CELSR1: variants seen among roughly 807,000 people sequenced by gnomAD.
CELSR1 encodes the protein cadherin EGF LAG seven-pass G-type receptor 1, also known as adhesion G protein-coupled receptor C1.
In CELSR1, 110 loss-of-function variants were observed where a neutral mutation model predicts 249.1. The observed-to-expected ratio is 0.44, with a 90% CI of 0.38 to 0.52. CELSR1 has a LOEUF of 0.52. Among genes scored for constraint, CELSR1 ranks in the 20% least tolerant of loss-of-function variants. The pLI is 0.00. For missense variants in CELSR1, 4,109 were observed against 4,296.4 expected, an observed-to-expected ratio of 0.96 and a Z score of 1.22; for synonymous variants, 2,113 against 1,900.0, an observed-to-expected ratio of 1.11 and a Z score of -2.92.
rs936686675 is a variant in CELSR1 at position 46,393,267 on chromosome 22, G to A, written c.5964+875C>T. Among the ~76,000 whole-genome samples, 37 of 152,216 alleles carry A rather than the reference G, an allele frequency of 2.4e-4. No individual in the cohort carries two copies. The highest frequency in any genetic ancestry group is 8.7e-4 in the African/African-American group (36 of 41,464). ...AGGTGATGTATCCTGAGAGGGCTGGGGAGGGGTCCCTAGAGTCTGCACTGA... is the reference window on the plus strand; with the variant it reads ...AGGTGATGTATCCTGAGAGGGCTGGAGAGGGGTCCCTAGAGTCTGCACTGA... On this transcript the variant is annotated intron_variant, in intron 14 of 34. Transcript: ENST00000674500. The surrounding 1 kb of genome is among the most constrained non-coding windows in gnomAD (Gnocchi z 4.1).
chr22:46,415,903 C>G (rs1340508705), intron 5 of CELSR1, among the ~76,000 whole-genome samples: 1 of 152,188 alleles, frequency 6.6e-6, no homozygotes, highest in East Asian at 1.9e-4. Flanking sequence ...GGGCTCAGAT[C>G]ATCCATTTTT....
chr22:46,517,361 A>T lies in CELSR1; in HGVS notation c.3544+16266T>A, dbSNP rs2080638804. On this transcript the variant is annotated intron_variant, in intron 1 of 34. Transcript: ENST00000674500. The surrounding 1 kb of genome is among the most constrained non-coding windows in gnomAD (Gnocchi z 5.4). ...AAACCGGAGACTTGGACGGCCGTCC[A>T]ACACCAAAGCCACCGGTTTCCTGCC... is the stretch of plus-strand genomic sequence containing the variant. Among the ~76,000 whole-genome samples the T allele has an allele frequency of 6.6e-6, 1 of 152,236 alleles. No homozygotes were observed. The highest frequency in any genetic ancestry group is 1.5e-5 in the Non-Finnish European group (1 of 68,034).
chr22:46,535,024 G>T lies in CELSR1; in HGVS notation c.2147C>A (p.Ala716Asp). The T allele has an allele frequency of 6.2e-7, 1 of 1,612,494 alleles. No individual in the cohort carries two copies. Among genetic ancestry groups the T allele is most frequent in the South Asian group, 1.1e-5 (1 of 91,080 alleles). ...VLTLQARDRD[A>D]NSVITYQLTG... Reference sequence around the variant, plus strand: ...GAGCTGGTAGGTAATCACACTGTTGGCGTCACGGTCGCGGGCCTGCAGGGT... The same window carrying T: ...GAGCTGGTAGGTAATCACACTGTTGTCGTCACGGTCGCGGGCCTGCAGGGT... The change falls in exon 1 of 35, where the codon GCC becomes GAC. Residue 716 changes from alanine to aspartate, a missense_variant. By Grantham distance (126) the Ala-to-Asp change is moderately radical. This residue lies in a region of CELSR1 where 886 missense variants were observed against 896.5 expected (regional missense o/e 0.99). Coordinates refer to ENST00000674500, the MANE Select transcript of CELSR1 (RefSeq NM_001378328.1).
At position 46,366,403 on chromosome 22, in the gene CELSR1, C is replaced by A. The variant is rs749952660; in HGVS notation, c.8283G>T (p.Ser2761=). 3 of 1,549,242 alleles carry A rather than the reference C, an allele frequency of 1.9e-6. No homozygotes were observed. Among genetic ancestry groups the A allele is most frequent in the Admixed American group, 3.9e-5 (2 of 50,912 alleles). ...LRTDLGESTA[S]LDSIVRDEGI... The stretch of plus-strand genomic sequence containing the variant: ...GGCCTGACCTGACGATGCTGTCCAG[C>A]GAGGCGGTGGACTCGCCCAAGTCTG... Residue 2761 remains serine (S), a synonymous_variant, in exon 30 of 35, where the codon TCG becomes TCT. Coordinates refer to ENST00000674500, the MANE Select transcript of CELSR1 (RefSeq NM_001378328.1).
In CELSR1 at chr22:46,380,074, A is replaced by G. The variant is rs1296209907; in HGVS notation, c.7256+714T>C. Among the ~76,000 whole-genome samples the G allele has an allele frequency of 6.6e-6, 1 of 152,222 alleles. No homozygotes were observed. The highest frequency in any genetic ancestry group is 1.5e-5 in the Non-Finnish European group (1 of 68,042). ...CAGCTAAAAAGCAAAACCAAAGCACAAACACTACTGGCTCCCAGCAGACGG... is the reference window on the plus strand; with the variant it reads ...CAGCTAAAAAGCAAAACCAAAGCACGAACACTACTGGCTCCCAGCAGACGG... On this transcript the variant is annotated intron_variant, in intron 22 of 34. Coordinates refer to ENST00000674500, the MANE Select transcript of CELSR1 (RefSeq NM_001378328.1). This position sits in a 1 kb window ranked among gnomAD's most constrained non-coding sequence, Gnocchi z 5.1.
At chr22:46,420,941 C>T (rs1051481610) in intron 5 of CELSR1, among the ~76,000 whole-genome samples, 2 of 152,186 alleles carry the variant, frequency 1.3e-5, no homozygotes, top group South Asian at 2.1e-4. Flanking sequence ...ATGGTCACGG[C>T]AGGAAAACGC....
chr22:46,498,117 G>C (rs142534357), intron 1 of CELSR1, among the ~76,000 whole-genome samples: 47 of 151,390 alleles, frequency 3.1e-4, no homozygotes, highest in South Asian at 6.3e-4. Flanking sequence ...GTGTGGTGGC[G>C]CACACCTGTA....
At chr22:46,386,152 T>G (rs1310673547) in intron 19 of CELSR1, among the ~76,000 whole-genome samples, 3 of 152,156 alleles carry the variant, frequency 2.0e-5, no homozygotes, top group Non-Finnish European at 4.4e-5. Flanking sequence ...GTATTTTTAG[T>G]AGAGATGGGG....
chr22:46,382,776 C>A (rs1245335990), intron 20 of CELSR1, among the ~76,000 whole-genome samples: 1 of 152,168 alleles, frequency 6.6e-6, no homozygotes, highest in Admixed American at 6.5e-5. Flanking sequence ...GGACATTAGG[C>A]TCGGTGAAAT....
intron 23 of CELSR1, among the ~76,000 whole-genome samples, chr22:46,377,792 C>G (rs1418930746): frequency 6.6e-6 from 1 of 152,256 alleles, no homozygotes; most frequent in Non-Finnish European, 1.5e-5. Context: ...GAGGCCGCTG[C>G]CCTCCTCCAG....
chr22:46,384,764 C>T lies in CELSR1; in HGVS notation c.6740-78G>A, dbSNP rs1012192994. The T allele has an allele frequency of 9.8e-6, 14 of 1,428,470 alleles. No individual in the cohort carries two copies. In the African/African-American group the frequency reaches 1.7e-4, roughly 18 times the overall value. 88.5% of individuals were successfully genotyped at this position (1,428,470 alleles called of 1,614,324 possible). A position where few individuals can be genotyped will look rare whatever the true frequency, so the allele number is the denominator to read the frequency against. On this transcript the variant is annotated intron_variant, in intron 19 of 34. Transcript: ENST00000674500. ...CCTGCTGTTTTCAAAATGACCACAA[C>T]TGTCACACTGACGCTGGCTGGCCAT... is the stretch of plus-strand genomic sequence containing the variant.
chr22:46,527,865 G>A lies in CELSR1; in HGVS notation c.3544+5762C>T, dbSNP rs565940727. Among the ~76,000 whole-genome samples, 200 of 152,316 alleles carry A rather than the reference G, an allele frequency of 1.3e-3. 1 individual carries two copies. The highest frequency in any genetic ancestry group is 5.2e-3 in the Admixed American group (79 of 15,296). Reference sequence around the variant, plus strand: ...AATCCCAGCATTTTGGGAGGCTGAGGCGGGCGGATAGCCTGAGGTCAGGAG... The same window carrying A: ...AATCCCAGCATTTTGGGAGGCTGAGACGGGCGGATAGCCTGAGGTCAGGAG... On this transcript the variant is annotated intron_variant, in intron 1 of 34. Transcript: ENST00000674500. This position sits in a 1 kb window ranked among gnomAD's most constrained non-coding sequence, Gnocchi z 5.5.
rs2079848645 is a variant in CELSR1 at position 46,448,726 on chromosome 22, A to G, written c.4184-9315T>C. The stretch of plus-strand genomic sequence containing the variant: ...TGGAAGGGCCCGGGAACAGGAACAC[A>G]GGGCAATTTCAAAGTCAGGTCATAT... On this transcript the variant is annotated intron_variant, in intron 2 of 34. Transcript: ENST00000674500. This position sits in a 1 kb window ranked among gnomAD's most constrained non-coding sequence, Gnocchi z 5.7. 6.6e-6 allele frequency among the ~76,000 whole-genome samples: 1 copy of G among 152,214 alleles called. No homozygotes were observed. The highest frequency in any genetic ancestry group is 2.4e-5 in the African/African-American group (1 of 41,454).
intron 1 of CELSR1, among the ~76,000 whole-genome samples, chr22:46,519,362 A>G (rs1429090568): frequency 6.6e-6 from 1 of 152,256 alleles, no homozygotes; most frequent in Non-Finnish European, 1.5e-5. Context: ...AAATGCTGAT[A>G]CAAATACACT....
chr22:46,414,671 G>C (rs1244844168), intron 5 of CELSR1, among the ~76,000 whole-genome samples: 2 of 152,150 alleles, frequency 1.3e-5, no homozygotes, highest in Non-Finnish European at 2.9e-5. Flanking sequence ...AAGTGTCACG[G>C]AGGCAGGGAG....
chr22:46,463,017 T>G (rs143807867), intron 2 of CELSR1: 160 of 385,788 alleles, frequency 4.1e-4, no homozygotes, highest in African/African-American at 3.2e-3. Context: ...CGCTAACCAA[T>G]TAAGCCTGCA....
At position 46,395,110 on chromosome 22, in the gene CELSR1, C is replaced by T. The variant is rs1181348115; in HGVS notation, c.5844-848G>A. Reference sequence around the variant, plus strand: ...GCGAGCAAGTATTAAGGACTGTGTACAAATCAGGGTCATAAAGACAACCAG... The same window carrying T: ...GCGAGCAAGTATTAAGGACTGTGTATAAATCAGGGTCATAAAGACAACCAG... On this transcript the variant is annotated intron_variant, in intron 13 of 34. Transcript: ENST00000674500. The surrounding 1 kb of genome is among the most constrained non-coding windows in gnomAD (Gnocchi z 5.5). 1.3e-5 allele frequency among the ~76,000 whole-genome samples: 2 copies of T among 152,214 alleles called. No homozygotes were observed. The highest frequency in any genetic ancestry group is 4.8e-5 in the African/African-American group (2 of 41,450).
intron 5 of CELSR1, among the ~76,000 whole-genome samples, chr22:46,421,410 T>C (rs1456493149): frequency 6.6e-6 from 1 of 152,158 alleles, no homozygotes; most frequent in Non-Finnish European, 1.5e-5. Context: ...GCTCCAGCCC[T>C]GGGGCGACTT....
chr22:46,438,959 T>C (rs1054857819), intron 3 of CELSR1, among the ~76,000 whole-genome samples: 2 of 152,154 alleles, frequency 1.3e-5, no homozygotes, highest in Non-Finnish European at 2.9e-5. Context: ...GGTTTTGCCA[T>C]GTTGACTAGG....
Sources: gnomAD v4.1 joint callset for allele counts (sites outside exome capture counted in the v4.1 genomes callset) on GRCh38, gnomAD v4.1.1 for gene constraint, gnomAD v4.1.1 regional missense constraint, Gnocchi (gnomAD v3.1) non-coding constraint, MANE v1.5 for transcripts, NCBI Gene and HGNC (gene_info 2026-07-23, HGNC 2026-07-21) for gene names.